Variants in MAGI3 observed in about 807,000 individuals in gnomAD.
MAGI3 encodes the protein membrane-associated guanylate kinase, WW and PDZ domain-containing protein 3.
A neutral mutation model predicts 121.8 loss-of-function variants in MAGI3; 43 were observed. The observed-to-expected ratio is 0.35, with a 90% CI of 0.28 to 0.46. The LOEUF is 0.46. MAGI3 is among the 20% of genes least tolerant of loss of function. The pLI is 1.00. For synonymous variants in MAGI3, 553 were observed against 639.3 expected (o/e 0.86, Z 2.04); for missense variants, 1,547 against 1,797.3 (o/e 0.86, Z 2.52).
In MAGI3 at chr1:113,508,036, A is replaced by G. The variant is rs529068603; in HGVS notation, c.317-41479A>G. Reference sequence around the variant, plus strand: ...AGGTCAAGTTTTCCTTTTAATGGCCATGGAGGTATATTGCATTACTGAAAG... The same window carrying G: ...AGGTCAAGTTTTCCTTTTAATGGCCGTGGAGGTATATTGCATTACTGAAAG... On this transcript the variant is annotated intron_variant, in intron 1 of 20. Coordinates refer to ENST00000307546, the MANE Select transcript of MAGI3 (RefSeq NM_001142782.2). 2.4e-4 allele frequency among the ~76,000 whole-genome samples: 37 copies of G among 152,302 alleles called. 2 individuals carry two copies. The South Asian group carries it at 6.6e-3, about 27-fold the overall frequency.
chr1:113,607,477 A>T (rs1179782147), intron 6 of MAGI3, among the ~76,000 whole-genome samples: 1 of 152,202 alleles, frequency 6.6e-6, no homozygotes, highest in South Asian at 2.1e-4. Context: ...CTACAAAAAC[A>T]CTACTGATTG....
rs78838941 is a variant in MAGI3, at chr1:113,588,355, A to G, written c.764-2129A>G. On this transcript the variant is annotated intron_variant, in intron 4 of 20. Transcript: ENST00000307546. ...GGATACAATGTGGACAATGCATTCTATGTGGTTGGAGCAGAGTGATGGAAG... is the reference window on the plus strand; with the variant it reads ...GGATACAATGTGGACAATGCATTCTGTGTGGTTGGAGCAGAGTGATGGAAG... Among the ~76,000 whole-genome samples the G allele has an allele frequency of 8.5e-3, 1,291 of 152,316 alleles. 9 individuals carry two copies. The highest frequency in any genetic ancestry group is 0.013 in the Non-Finnish European group (889 of 68,012).
chr1:113,491,422 G>A (rs1347748880), intron 1 of MAGI3, among the ~76,000 whole-genome samples: 1 of 152,158 alleles, frequency 6.6e-6, no homozygotes, highest in Non-Finnish European at 1.5e-5. Context: ...ACATGAAAAA[G>A]TTGGAAAGGT....
Position 113,437,861 on chromosome 1 carries a change from T to TCCTTC in MAGI3, c.316+46512_316+46513insCCTTC, listed in dbSNP as rs1557757056. 1.2e-3 allele frequency among the ~76,000 whole-genome samples: 66 copies of TCCTTC among 54,372 alleles called. 1 individual carries two copies. The highest frequency in any genetic ancestry group is 4.8e-3 in the East Asian group (8 of 1,664). The allele number at this position is 54,372 out of a possible 152,430, so 35.7% of individuals were successfully genotyped here. On this transcript the variant is annotated intron_variant, in intron 1 of 20. Transcript: ENST00000307546. ...CTTCTTCTTCTTCTTCTTCTTCTTC[T>TCCTTC]TCCTCTTCTTCTTCTTCTCCTTCTC...
At chr1:113,671,150 C>T (rs77546430) in intron 16 of MAGI3, among the ~76,000 whole-genome samples, 1,826 of 152,216 alleles carry the variant, frequency 0.012, 40 homozygotes, top group African/African-American at 0.041. Flanking sequence ...TAATGTTTTT[C>T]ACCTATATTT....
intron 1 of MAGI3, among the ~76,000 whole-genome samples, chr1:113,467,860 A>G (rs1027049028): frequency 2.0e-5 from 3 of 152,100 alleles, no homozygotes; most frequent in African/African-American, 7.2e-5. Flanking sequence ...ATTGCAGTCC[A>G]TCTTTCCCTC....
chr1:113,637,115 A>G (rs1652085585), intron 9 of MAGI3, among the ~76,000 whole-genome samples: 1 of 151,916 alleles, frequency 6.6e-6, no homozygotes, highest in African/African-American at 2.4e-5. Context: ...TTTTGAGTCT[A>G]TGTGTGTCTC....
intron 1 of MAGI3, among the ~76,000 whole-genome samples, chr1:113,394,980 T>A (rs546700767): frequency 6.6e-6 from 1 of 152,158 alleles, no homozygotes; most frequent in Admixed American, 6.5e-5. Context: ...AGAAATACAC[T>A]TCCTGTTGGT....
At chr1:113,588,807 G>T (rs532773298) in intron 4 of MAGI3, among the ~76,000 whole-genome samples, 1 of 152,294 alleles carries the variant, frequency 6.6e-6, no homozygotes, top group African/African-American at 2.4e-5. Context: ...GGTCCAGAGA[G>T]AACTGGAAGA....
In MAGI3 at chr1:113,681,337, G is replaced by C; in HGVS notation, c.3328+1G>C. 1 of 1,612,476 alleles carries C rather than the reference G, an allele frequency of 6.2e-7. No homozygotes were observed. The highest frequency in any genetic ancestry group is 8.5e-7 in the Non-Finnish European group (1 of 1,179,558). On this transcript the variant is annotated splice_donor_variant, in intron 20 of 20. Transcript: ENST00000307546. LOFTEE classifies it high-confidence loss of function. ...GGAACTGGCTTGATACCTGACCATG[G>C]TAAGTAAAGTAGCCCACTAGTAGCT...
chr1:113,567,732 A>C (rs1384659222), intron 2 of MAGI3, among the ~76,000 whole-genome samples: 1 of 151,974 alleles, frequency 6.6e-6, no homozygotes, highest in Non-Finnish European at 1.5e-5. Context: ...AAACTACCTC[A>C]ACATAATAAA....
chr1:113,643,164 C>A (rs1652645391), intron 10 of MAGI3, among the ~76,000 whole-genome samples: 1 of 152,240 alleles, frequency 6.6e-6, no homozygotes, highest in African/African-American at 2.4e-5. Flanking sequence ...GGAATAATCA[C>A]AAAGTTGAAT....
At chr1:113,468,664 T>G (rs1477835694) in intron 1 of MAGI3, among the ~76,000 whole-genome samples, 1 of 152,084 alleles carries the variant, frequency 6.6e-6, no homozygotes, top group African/African-American at 2.4e-5. Context: ...TTCAAAGATA[T>G]AAAAAAGAAT....
intron 9 of MAGI3, among the ~76,000 whole-genome samples, chr1:113,632,219 C>G (rs1651679132): frequency 1.3e-5 from 2 of 152,024 alleles, no homozygotes; most frequent in African/African-American, 4.8e-5. Context: ...AGTTAACAAA[C>G]TTTAGAGATT....
At chr1:113,452,048 T>A (rs1469052691) in intron 1 of MAGI3, among the ~76,000 whole-genome samples, 1 of 152,154 alleles carries the variant, frequency 6.6e-6, no homozygotes, top group Non-Finnish European at 1.5e-5. Flanking sequence ...TGCTCTGGAG[T>A]GATATTCTTT....
chr1:113,437,079 G>T (rs1428470468), intron 1 of MAGI3, among the ~76,000 whole-genome samples: 1 of 151,994 alleles, frequency 6.6e-6, no homozygotes, highest in Non-Finnish European at 1.5e-5. Flanking sequence ...CTCCCAAAGT[G>T]CTGGGATTAC....
At chr1:113,681,172 T>A (rs761414196) in intron 19 of MAGI3, 26 bp from the exon 20 acceptor site, 1 of 1,606,680 alleles carries the variant, frequency 6.2e-7, no homozygotes, top group South Asian at 1.1e-5. Context: ...AGTTTCATGT[T>A]GTTCCTGTGA....
At chr1:113,512,869 A>G (rs1274737177) in intron 1 of MAGI3, among the ~76,000 whole-genome samples, 1 of 152,242 alleles carries the variant, frequency 6.6e-6, no homozygotes. Context: ...TAGTATATCT[A>G]GAAAACCTCA....
Position 113,522,910 on chromosome 1 carries a change from G to T in MAGI3, c.317-26605G>T, listed in dbSNP as rs1658271776. 2.0e-5 allele frequency among the ~76,000 whole-genome samples: 3 copies of T among 152,152 alleles called. No individual in the cohort carries two copies. The South Asian group carries it at 6.2e-4, about 32-fold the overall frequency. On this transcript the variant is annotated intron_variant, in intron 1 of 20. Coordinates refer to ENST00000307546, the MANE Select transcript of MAGI3 (RefSeq NM_001142782.2). Reference sequence around the variant, plus strand: ...CCAGGAAATGTAAGAAAGAGACAATGAAAGTATTTACTATGCAGTCTGATA... The same window carrying T: ...CCAGGAAATGTAAGAAAGAGACAATTAAAGTATTTACTATGCAGTCTGATA...
Sources: allele counts gnomAD v4.1 joint callset (sites outside exome capture counted in the v4.1 genomes callset), GRCh38; gene constraint gnomAD v4.1.1; transcripts MANE v1.5; gene names NCBI Gene and HGNC (gene_info 2026-07-23, HGNC 2026-07-21).